SESTD1: variants seen among roughly 807,000 people sequenced by gnomAD.
SESTD1 encodes SEC14 and spectrin domain containing 1.
Under a neutral mutation model 101.7 loss-of-function variants are expected in SESTD1, and 43 were observed. The ratio of observed to expected loss-of-function variants is 0.42; its 90% CI spans 0.33 to 0.55. The LOEUF (loss-of-function observed/expected upper bound fraction) is 0.55. Ranked by LOEUF, SESTD1 falls within the 20% of genes least tolerant of loss-of-function variation. SESTD1 has a pLI of 0.07. For synonymous variants in SESTD1, 283 were observed against 286.8 expected (o/e 0.99, Z 0.13); for missense variants, 647 against 815.1 (o/e 0.79, Z 2.51).
chr2:179,196,902 TCTC>T (rs922409489), intron 1 of SESTD1, among the ~76,000 whole-genome samples: 1 of 152,070 alleles, frequency 6.6e-6, no homozygotes, highest in Non-Finnish European at 1.5e-5. Context: ...GCAGAGCGCC[TCTC>T]CTCCTCCAAA....
intron 1 of SESTD1, among the ~76,000 whole-genome samples, chr2:179,230,754 G>T (rs2046976402): frequency 6.6e-6 from 1 of 151,528 alleles, no homozygotes; most frequent in East Asian, 1.9e-4. Context: ...TATTAGAACA[G>T]AATTAATATT....
chr2:179,154,314 G>A (rs1426403653), intron 5 of SESTD1, among the ~76,000 whole-genome samples: 1 of 148,708 alleles, frequency 6.7e-6, no homozygotes, highest in Non-Finnish European at 1.5e-5. Context: ...AGGGAGGGAG[G>A]GAGAGAGGGA....
chr2:179,111,022 G>C (rs1278594117), intron 17 of SESTD1, among the ~76,000 whole-genome samples: 1 of 152,188 alleles, frequency 6.6e-6, no homozygotes. Flanking sequence ...AAGCATACCA[G>C]GGAGAGGTGT....
chr2:179,103,462 A>G lies in SESTD1; in HGVS notation c.*6437T>C, dbSNP rs146780247. 5 of 152,280 alleles carry G rather than the reference A, an allele frequency of 3.3e-5. No homozygotes were observed. In the East Asian group the frequency reaches 9.6e-4, roughly 29 times the overall value. 9.4% of individuals were successfully genotyped at this position (152,280 alleles called of 1,614,324 possible). On this transcript the variant is annotated 3_prime_UTR_variant, in exon 18 of 18. Transcript: ENST00000428443. ...ATTTACTGCAAAGAAATGAAAACCT[A>G]TGTTCACAAAGACTTACGTAAGAAT...
intron 1 of SESTD1, 69 bp from the exon 2 acceptor site, chr2:179,191,935 G>A (rs2105497139): frequency 9.4e-7 from 1 of 1,068,694 alleles, no homozygotes; most frequent in Non-Finnish European, 1.4e-6. Context: ...TCCTAATGAT[G>A]GTTTATCCCA....
intron 7 of SESTD1, among the ~76,000 whole-genome samples, chr2:179,148,928 C>A (rs542828169): frequency 6.6e-6 from 1 of 151,784 alleles, no homozygotes; most frequent in South Asian, 2.1e-4. Flanking sequence ...GGCGAGGTGG[C>A]GGGCGCCTGT....
At chr2:179,170,463 C>T (rs2045912794) in intron 5 of SESTD1, among the ~76,000 whole-genome samples, 1 of 152,076 alleles carries the variant, frequency 6.6e-6, no homozygotes, top group African/African-American at 2.4e-5. Context: ...AAGAAATATG[C>T]ATTTGCTCTT....
chr2:179,237,074 T>A (rs77925830), intron 1 of SESTD1, among the ~76,000 whole-genome samples: 3 of 145,662 alleles, frequency 2.1e-5, no homozygotes, highest in Admixed American at 6.9e-5. Flanking sequence ...AAAGAAAACA[T>A]TGCAAATGTT....
intron 10 of SESTD1, among the ~76,000 whole-genome samples, chr2:179,129,614 G>C (rs920607992): frequency 3.3e-5 from 5 of 152,114 alleles, no homozygotes. Flanking sequence ...AAGATTGTAT[G>C]TTAAAAGTTT....
At chr2:179,163,291 C>T (rs756719875) in intron 5 of SESTD1, among the ~76,000 whole-genome samples, 5 of 152,088 alleles carry the variant, frequency 3.3e-5, no homozygotes, top group South Asian at 2.1e-4. Context: ...TTTAGGAAAA[C>T]GACACTTTAA....
chr2:179,142,113 TAATA>T (rs2045291586), intron 9 of SESTD1, among the ~76,000 whole-genome samples: 1 of 152,200 alleles, frequency 6.6e-6, no homozygotes, highest in African/African-American at 2.4e-5. Context: ...TGTTTTTGTA[TAATA>T]AATAAAAGTT....
At chr2:179,145,727 G>C (rs2045380660) in intron 8 of SESTD1, among the ~76,000 whole-genome samples, 1 of 152,198 alleles carries the variant, frequency 6.6e-6, no homozygotes. Flanking sequence ...ATTTAGCTAT[G>C]GAGAGAGAGC....
At chr2:179,254,720 ATT>A (rs2047367397) in intron 1 of SESTD1, among the ~76,000 whole-genome samples, 2 of 152,240 alleles carry the variant, frequency 1.3e-5, no homozygotes, top group South Asian at 4.1e-4. Flanking sequence ...TCCCCACTAT[ATT>A]AATCTGTTTG....
intron 16 of SESTD1, among the ~76,000 whole-genome samples, chr2:179,113,916 AC>A (rs1415228591): frequency 6.6e-6 from 1 of 150,852 alleles, no homozygotes; most frequent in Non-Finnish European, 1.5e-5. Context: ...GCCAATTGTC[AC>A]CCTTTGACAG....
chr2:179,181,991 T>TAAAAAAAAAA (rs35017699), intron 3 of SESTD1, among the ~76,000 whole-genome samples: 3 of 139,624 alleles, frequency 2.1e-5, no homozygotes. Context: ...TCCACAATAT[T>TAAAAAAAAAA]AAAAAAAAAA....
At chr2:179,188,905 T>C (rs1162176408) in intron 2 of SESTD1, among the ~76,000 whole-genome samples, 1 of 152,012 alleles carries the variant, frequency 6.6e-6, no homozygotes, top group Non-Finnish European at 1.5e-5. Flanking sequence ...AACAGCCCAA[T>C]ATTGAGTTCT....
rs2105516770 is a variant in SESTD1, at chr2:179,210,492, T to C, written c.-25-18626A>G. On this transcript the variant is annotated intron_variant, in intron 1 of 17. Coordinates refer to ENST00000428443, the MANE Select transcript of SESTD1 (RefSeq NM_178123.5). ...AAAAAGATAATACACCATGACCAAG[T>C]GGGTTTCATACTAGGGATGCAGGGT... is the stretch of plus-strand genomic sequence containing the variant. 1.5e-5 allele frequency among the ~76,000 whole-genome samples: 2 copies of C among 135,176 alleles called. 1 individual carries two copies. Among genetic ancestry groups the C allele is most frequent in the Middle Eastern group, 8.4e-3 (2 of 238 alleles). 88.7% of individuals were successfully genotyped at this position (135,176 alleles called of 152,430 possible).
chr2:179,133,530 T>G (rs756556814), intron 9 of SESTD1, among the ~76,000 whole-genome samples: 33 of 152,078 alleles, frequency 2.2e-4, no homozygotes, highest in Non-Finnish European at 4.7e-4. Flanking sequence ...GTGGAGTAAT[T>G]TTAGTGGAAA....
chr2:179,116,851 T>C, intron 14 of SESTD1, 61 bp from the exon 15 acceptor site: 1 of 1,577,026 alleles, frequency 6.3e-7, no homozygotes, highest in South Asian at 1.1e-5. Flanking sequence ...TGTATCAAAA[T>C]GTCATTTATA....
Sources: gnomAD v4.1 joint callset for allele counts (sites outside exome capture counted in the v4.1 genomes callset) on GRCh38, gnomAD v4.1.1 for gene constraint, MANE v1.5 for transcripts, NCBI Gene and HGNC (gene_info 2026-07-23, HGNC 2026-07-21) for gene names.